TRAPPC2B: variants seen among roughly 807,000 people sequenced by gnomAD.
TRAPPC2B encodes the protein trafficking protein particle complex subunit 2B.
Under a neutral mutation model 8.4 loss-of-function variants are expected in TRAPPC2B, and 5 were observed. That is an observed-to-expected ratio of 0.59 (90% CI 0.31 to 1.25). TRAPPC2B has a LOEUF of 1.25. TRAPPC2B is among the 50% of genes most tolerant of loss of function. The pLI is 0.06. For missense variants in TRAPPC2B, 161 were observed against 173.2 expected, an observed-to-expected ratio of 0.93 and a Z score of 0.40; for synonymous variants, 46 against 58.1, an observed-to-expected ratio of 0.79 and a Z score of 0.95.
At chr19:57,364,448 A>G in intron 1 of TRAPPC2B, 1 of 207,364 alleles carries the variant, frequency 4.8e-6, no homozygotes, top group Non-Finnish European at 9.8e-6. Flanking sequence ...GATTCTTCAA[A>G]AGAATAGAGG....
In TRAPPC2B at chr19:57,364,915, G is replaced by A. The variant is rs1297675348; in HGVS notation, c.82G>A (p.Ala28Thr). 1.2e-6 allele frequency: 2 copies of A among 1,612,604 alleles called. No individual in the cohort carries two copies. The highest frequency in any genetic ancestry group is 1.7e-6 in the Non-Finnish European group (2 of 1,178,962). Reference sequence around the variant, plus strand: ...AATGGAGTTTTTGCCAGCTGGGAAGGCAGAATCCAAAGACGACCATCGTCA... The same window carrying A: ...AATGGAGTTTTTGCCAGCTGGGAAGACAGAATCCAAAGACGACCATCGTCA... ...FEMEFLPAGK[A>T]ESKDDHRHLN... The change falls in exon 2 of 2, where the codon GCA (alanine) becomes ACA (threonine). Residue 28 changes from alanine to threonine, a missense_variant. Transcript: ENST00000543226.
At position 57,363,597 on chromosome 19, in the gene TRAPPC2B, G is replaced by A. The variant is rs981798523; in HGVS notation, c.-126G>A. Reference sequence around the variant, plus strand: ...ACAGGCACAACTGACAGTGGCAGAAGCTCAGCTGACAAGGACTGGGGACGG... The same window carrying A: ...ACAGGCACAACTGACAGTGGCAGAAACTCAGCTGACAAGGACTGGGGACGG... On this transcript the variant is annotated 5_prime_UTR_variant, in exon 1 of 2. Coordinates refer to ENST00000543226, the MANE Select transcript of TRAPPC2B (RefSeq NM_001355204.2). 3.9e-5 allele frequency: 6 copies of A among 153,024 alleles called. No homozygotes were observed. The highest frequency in any genetic ancestry group is 1.8e-4 in the South Asian group (1 of 5,552). The allele number at this position is 153,024 out of a possible 1,614,324, so 9.5% of individuals were successfully genotyped here. A position where few individuals can be genotyped will look rare whatever the true frequency, so the allele number is the denominator to read the frequency against.
Position 57,365,008 on chromosome 19 carries a change from A to G in TRAPPC2B, c.175A>G (p.Met59Val). 6.2e-7 allele frequency: 1 copy of G among 1,612,628 alleles called. No homozygotes were observed. Among genetic ancestry groups the G allele is most frequent in the Non-Finnish European group, 8.5e-7 (1 of 1,178,850 alleles). The change falls in exon 2 of 2, where the codon ATG becomes GTG. Residue 59 changes from methionine (M) to valine (V), a missense_variant. Transcript: ENST00000543226. ...VDENMWLSNN[M>V]YLKTVDKFNE... is the part of the protein sequence containing the mutation. Reference sequence around the variant, plus strand: ...TGAGAACATGTGGCTGTCGAACAACATGTACTTGAAAACTGTGGACAAGTT... The same window carrying G: ...TGAGAACATGTGGCTGTCGAACAACGTGTACTTGAAAACTGTGGACAAGTT...
At chr19:57,364,762 G>A (rs374107495) in intron 1 of TRAPPC2B, 53 bp from the exon 2 acceptor site, 1 of 1,304,892 alleles carries the variant, frequency 7.7e-7, no homozygotes. Flanking sequence ...CGGAGCGCGG[G>A]TCTCTTCCGC....
rs1043306 is a variant in TRAPPC2B at position 57,365,064 on chromosome 19, C to T, written c.231C>T (p.Thr77=). 11 of 1,610,812 alleles carry T rather than the reference C, an allele frequency of 6.8e-6. No individual in the cohort carries two copies. Among genetic ancestry groups the T allele is most frequent in the Non-Finnish European group, 7.6e-6 (9 of 1,177,474 alleles). ...FNEWFVSAFV[T]AGHMRFIMLH... is the part of the protein sequence containing the mutation. ...AGTGGTTTGTGTCAGCATTTGTCACCGCGGGGCATATGAGGTTTATTATGC... is the reference window on the plus strand; with the variant it reads ...AGTGGTTTGTGTCAGCATTTGTCACTGCGGGGCATATGAGGTTTATTATGC... The change falls in exon 2 of 2, where the codon ACC becomes ACT. Residue 77 remains threonine (T), a synonymous_variant. Coordinates refer to ENST00000543226, the MANE Select transcript of TRAPPC2B (RefSeq NM_001355204.2).
intron 1 of TRAPPC2B, chr19:57,364,465 G>GTATCATTAAAA: frequency 7.3e-5 from 16 of 220,602 alleles, no homozygotes; most frequent in East Asian, 2.2e-4. Context: ...GAGGGTGGCC[G>GTATCATTAAAA]GGCGTGGTGG....
chr19:57,364,805 C>G lies in TRAPPC2B; in HGVS notation c.-19-10C>G. The G allele has an allele frequency of 9.0e-6, 14 of 1,564,088 alleles. No individual in the cohort carries two copies. Among genetic ancestry groups the G allele is most frequent in the Non-Finnish European group, 1.1e-5 (13 of 1,145,218 alleles). ...GACATTGCGTTTCCGTTGTCGGCCT[C>G]CCGCTGCAGGAGCCATATATTGAAG... On this transcript the variant is annotated splice_polypyrimidine_tract_variant and intron_variant, in intron 1 of 1. Coordinates refer to ENST00000543226, the MANE Select transcript of TRAPPC2B (RefSeq NM_001355204.2).
At position 57,365,301 on chromosome 19, in the gene TRAPPC2B, A is replaced by C; in HGVS notation, c.*45A>C. ...AAATTATATCACCACAATGGTGTAT[A>C]CTCAGGAATGTGTACATTGTAAATT... is the stretch of plus-strand genomic sequence containing the variant. On this transcript the variant is annotated 3_prime_UTR_variant, in exon 2 of 2. Coordinates refer to ENST00000543226, the MANE Select transcript of TRAPPC2B (RefSeq NM_001355204.2). 1 of 1,282,584 alleles carries C rather than the reference A, an allele frequency of 7.8e-7. No individual in the cohort carries two copies. The highest frequency in any genetic ancestry group is 1.5e-5 in the African/African-American group (1 of 67,912). 79.5% of individuals were successfully genotyped at this position (1,282,584 alleles called of 1,614,324 possible). A position where few individuals can be genotyped will look rare whatever the true frequency, so the allele number is the denominator to read the frequency against.
chr19:57,364,684 T>C, intron 1 of TRAPPC2B, 131 bp from the exon 2 acceptor site: 1 of 673,190 alleles, frequency 1.5e-6, no homozygotes, highest in South Asian at 1.8e-5. Flanking sequence ...GAGATTGCAG[T>C]GAGCCAAGAT....
Position 57,364,986 on chromosome 19 carries a change from G to T in TRAPPC2B, c.153G>T (p.Glu51Asp), listed in dbSNP as rs1233330544. 6.2e-7 allele frequency: 1 copy of T among 1,612,908 alleles called. No homozygotes were observed. Among genetic ancestry groups the T allele is most frequent in the African/African-American group, 1.3e-5 (1 of 74,912 alleles). ...ATGCTGCTCTCGACCTCGTAGATGA[G>T]AACATGTGGCTGTCGAACAACATGT... is the stretch of plus-strand genomic sequence containing the variant. ...IAHAALDLVD[E>D]NMWLSNNMYL... The change falls in exon 2 of 2, where the codon GAG becomes GAT. Residue 51 changes from glutamate to aspartate, a missense_variant. Glu to Asp is a conservative substitution (Grantham distance 45, BLOSUM62 2). Coordinates refer to ENST00000543226, the MANE Select transcript of TRAPPC2B (RefSeq NM_001355204.2).
At chr19:57,363,756 G>A (rs560161352) in intron 1 of TRAPPC2B, 53 bp downstream of exon 1, 1 of 143,888 alleles carries the variant, frequency 6.9e-6, no homozygotes, top group Non-Finnish European at 1.5e-5. Flanking sequence ...CCTCCTTCCA[G>A]TGCTGAAGCC....
At chr19:57,364,545 A>G (rs2088448649) in intron 1 of TRAPPC2B, 2 of 461,384 alleles carry the variant, frequency 4.3e-6, no homozygotes, top group African/African-American at 3.9e-5. Context: ...GTTCAAGACC[A>G]GCCTGACCAA....
rs765039732 is a variant in TRAPPC2B at position 57,365,070 on chromosome 19, G to C, written c.237G>C (p.Gly79=). 6.2e-7 allele frequency: 1 copy of C among 1,610,592 alleles called. No homozygotes were observed. Among genetic ancestry groups the C allele is most frequent in the Admixed American group, 1.7e-5 (1 of 59,884 alleles). The change falls in exon 2 of 2, where the codon GGG becomes GGC. Residue 79 remains glycine, a synonymous_variant. Coordinates refer to ENST00000543226, the MANE Select transcript of TRAPPC2B (RefSeq NM_001355204.2). ...EWFVSAFVTA[G]HMRFIMLHDI... ...TTGTGTCAGCATTTGTCACCGCGGG[G>C]CATATGAGGTTTATTATGCTTCATG...
rs1324708132 is a variant in TRAPPC2B at position 57,364,909 on chromosome 19, G to A, written c.76G>A (p.Gly26Arg). ...PVFEMEFLPA[G>R]KAESKDDHRH... ...TTTTGAAATGGAGTTTTTGCCAGCTGGGAAGGCAGAATCCAAAGACGACCA... is the reference window on the plus strand; with the variant it reads ...TTTTGAAATGGAGTTTTTGCCAGCTAGGAAGGCAGAATCCAAAGACGACCA... Residue 26 changes from glycine (G) to arginine (R), a missense_variant, in exon 2 of 2, where the codon GGG (glycine) becomes AGG (arginine). Transcript: ENST00000543226. 1 of 1,612,490 alleles carries A rather than the reference G, an allele frequency of 6.2e-7. No individual in the cohort carries two copies. The highest frequency in any genetic ancestry group is 1.7e-5 in the Admixed American group (1 of 59,914).
chr19:57,364,297 TCAG>T (rs569204282), intron 1 of TRAPPC2B: 60 of 154,030 alleles, frequency 3.9e-4, no homozygotes, highest in Admixed American at 2.1e-3. Flanking sequence ...GTTGGGGAAG[TCAG>T]CAGCATGAGA....
At chr19:57,364,764 C>G in intron 1 of TRAPPC2B, 51 bp from the exon 2 acceptor site, 1 of 1,331,200 alleles carries the variant, frequency 7.5e-7, no homozygotes, top group Non-Finnish European at 1.1e-6. Context: ...GAGCGCGGGT[C>G]TCTTCCGCGG....
intron 1 of TRAPPC2B, 41 bp from the exon 2 acceptor site, chr19:57,364,774 G>A: frequency 7.7e-6 from 11 of 1,423,452 alleles, no homozygotes; most frequent in Non-Finnish European, 1.1e-5. Flanking sequence ...CTCTTCCGCG[G>A]AAACTGACAT....
rs1457591349 is a variant in TRAPPC2B, at chr19:57,364,797, G to C, written c.-19-18G>C. ...CGGAAACTGACATTGCGTTTCCGTT[G>C]TCGGCCTCCCGCTGCAGGAGCCATA... On this transcript the variant is annotated intron_variant, in intron 1 of 1. Coordinates refer to ENST00000543226, the MANE Select transcript of TRAPPC2B (RefSeq NM_001355204.2). 2.6e-6 allele frequency: 4 copies of C among 1,535,672 alleles called. No homozygotes were observed. The African/African-American group carries it at 4.1e-5, about 16-fold the overall frequency.
intron 1 of TRAPPC2B, chr19:57,364,399 G>A (rs1267840800): frequency 5.2e-6 from 1 of 190,582 alleles, no homozygotes; most frequent in Non-Finnish European, 1.1e-5. Flanking sequence ...TGGGTAGGGG[G>A]ACAGAAAGGT....
Sources: gnomAD v4.1 joint callset for allele counts on GRCh38, gnomAD v4.1.1 for gene constraint, MANE v1.5 for transcripts, NCBI Gene and HGNC (gene_info 2026-07-23, HGNC 2026-07-21) for gene names.